Variants in RUBCN observed in about 807,000 individuals in gnomAD.
RUBCN encodes the protein rubicon autophagy regulator.
Under a neutral mutation model 113.2 loss-of-function variants are expected in RUBCN, and 74 were observed. That is an observed-to-expected ratio of 0.65 (90% CI 0.54 to 0.79). The LOEUF (loss-of-function observed/expected upper bound fraction) is 0.79, where lower values mean the gene tolerates loss of function less well. RUBCN is among the 30% of genes least tolerant of loss of function. RUBCN has a pLI of 0.00. For missense variants in RUBCN, 1,109 were observed against 1,251.7 expected (o/e 0.89, Z 1.72); for synonymous variants, 480 against 490.0 (o/e 0.98, Z 0.27).
intron 8 of RUBCN, 62 bp from the exon 9 acceptor site, chr3:197,696,043 C>A: frequency 6.7e-7 from 1 of 1,484,674 alleles, no homozygotes; most frequent in Non-Finnish European, 9.4e-7. Context: ...AAGCTTTTGT[C>A]ATTAAAGATG....
rs1719590124 is a variant in RUBCN, at chr3:197,669,426, A to G, written c.*5592T>C. 6.6e-6 allele frequency among the ~76,000 whole-genome samples: 1 copy of G among 152,158 alleles called. No individual in the cohort carries two copies. Among genetic ancestry groups the G allele is most frequent in the Admixed American group, 6.5e-5 (1 of 15,286 alleles). On this transcript the variant is annotated 3_prime_UTR_variant, in exon 20 of 20. Transcript: ENST00000296343. Reference sequence around the variant, plus strand: ...TTGAGTAGGGTCAAGTGTTTTGTAGAAAGTTCCTCGAATTTTGCTCCTGTG... The same window carrying G: ...TTGAGTAGGGTCAAGTGTTTTGTAGGAAGTTCCTCGAATTTTGCTCCTGTG...
At chr3:197,706,383 G>A (rs776274839) in intron 2 of RUBCN, among the ~76,000 whole-genome samples, 18 of 152,120 alleles carry the variant, frequency 1.2e-4, no homozygotes, top group African/African-American at 2.2e-4. Context: ...GCTAGCACAA[G>A]TATCAAGAGA....
chr3:197,676,076 G>T, intron 18 of RUBCN: 1 of 518,178 alleles, frequency 1.9e-6, no homozygotes, highest in Non-Finnish European at 2.5e-6. Context: ...TTGAGTAGAT[G>T]ACGACAATAA....
At position 197,694,617 on chromosome 3, in the gene RUBCN, G is replaced by T. The variant is rs1415047736; in HGVS notation, c.1474-32C>A. 5 of 1,569,784 alleles carry T rather than the reference G, an allele frequency of 3.2e-6. No homozygotes were observed. In the South Asian group the frequency reaches 4.4e-5, roughly 14 times the overall value. ...GAAGGAGAGCACCAAACAGGCAAAG[G>T]GTTAGAAGTATTGAATGACATACTC... On this transcript the variant is annotated intron_variant, in intron 9 of 19. Transcript: ENST00000296343.
At chr3:197,688,510 A>T (rs1241447429) in intron 11 of RUBCN, among the ~76,000 whole-genome samples, 1 of 152,218 alleles carries the variant, frequency 6.6e-6, no homozygotes, top group East Asian at 1.9e-4. Context: ...AACTTTCCCT[A>T]TTCAAATTAC....
chr3:197,691,344 A>G (rs907349570), intron 11 of RUBCN, among the ~76,000 whole-genome samples: 1 of 152,100 alleles, frequency 6.6e-6, no homozygotes, highest in Non-Finnish European at 1.5e-5. Flanking sequence ...CGCCAAGCCC[A>G]GCCTCAAGGA....
chr3:197,709,682 A>G (rs1006971478), intron 2 of RUBCN, among the ~76,000 whole-genome samples: 1 of 152,128 alleles, frequency 6.6e-6, no homozygotes, highest in African/African-American at 2.4e-5. Context: ...GCCCGGCCTG[A>G]AAAGCTACTA....
chr3:197,688,821 G>C (rs932640609), intron 11 of RUBCN, among the ~76,000 whole-genome samples: 1 of 152,150 alleles, frequency 6.6e-6, no homozygotes, highest in Non-Finnish European at 1.5e-5. Flanking sequence ...CCATTTATAC[G>C]AAGTGTCCAG....
intron 1 of RUBCN, among the ~76,000 whole-genome samples, chr3:197,728,595 C>T (rs1179948359): frequency 6.6e-6 from 1 of 152,232 alleles, no homozygotes; most frequent in African/African-American, 2.4e-5. Flanking sequence ...GGGATGACCA[C>T]AACGTTAATG....
At position 197,675,140 on chromosome 3, in the gene RUBCN, C is replaced by T. The variant is rs757331812; in HGVS notation, c.2797G>A (p.Glu933Lys). The T allele has an allele frequency of 4.6e-5, 74 of 1,614,024 alleles. No individual in the cohort carries two copies. The highest frequency in any genetic ancestry group is 1.6e-4 in the Middle Eastern group (1 of 6,062). Reference sequence around the variant, plus strand: ...GCCTCCCGCCGGGCCTGCAGCCGCTCGCAGCGCGGACAGCTTCCAGACTTG... The same window carrying T: ...GCCTCCCGCCGGGCCTGCAGCCGCTTGCAGCGCGGACAGCTTCCAGACTTG... Reference protein sequence around the residue: ...CFKSGSCPRCERLQARREALA... With the variant: ...CFKSGSCPRCKRLQARREALA... Residue 933 changes from glutamate (E) to lysine (K), a missense_variant, in exon 20 of 20, where the codon GAG (glutamate) becomes AAG (lysine). By Grantham distance (56) the Glu-to-Lys change is moderately conservative. Coordinates refer to ENST00000296343, the MANE Select transcript of RUBCN (RefSeq NM_014687.4). The surrounding 1 kb of genome is among the most constrained non-coding windows in gnomAD (Gnocchi z 4.4).
intron 1 of RUBCN, among the ~76,000 whole-genome samples, chr3:197,747,087 T>A (rs1261276847): frequency 4.6e-5 from 7 of 152,312 alleles, no homozygotes; most frequent in Non-Finnish European, 1.5e-5. Context: ...CAGGACCCAG[T>A]TCCGATTTCT....
chr3:197,717,685 T>C (rs929632947), intron 2 of RUBCN, among the ~76,000 whole-genome samples: 8 of 152,188 alleles, frequency 5.3e-5, no homozygotes, highest in African/African-American at 1.9e-4. Flanking sequence ...ATCTGTGTTG[T>C]TTTAAGCCAT....
chr3:197,729,016 C>A lies in RUBCN; in HGVS notation c.65+7639G>T, dbSNP rs774414438. Among the ~76,000 whole-genome samples, 392 of 151,974 alleles carry A rather than the reference C, an allele frequency of 2.6e-3. 9 individuals are homozygous for A. The highest frequency in any genetic ancestry group is 1.1e-3 in the Non-Finnish European group (73 of 67,974). On this transcript the variant is annotated intron_variant, in intron 1 of 19. Transcript: ENST00000296343. Reference sequence around the variant, plus strand: ...CGGTGGCTCACGCCTGTAATCCCAGCACTTTGGGAGGCCGAGGCGGGCGGA... The same window carrying A: ...CGGTGGCTCACGCCTGTAATCCCAGAACTTTGGGAGGCCGAGGCGGGCGGA...
intron 3 of RUBCN, among the ~76,000 whole-genome samples, 177 bp downstream of exon 3, chr3:197,704,915 G>GT (rs1017421205): frequency 0.013 from 1,933 of 146,066 alleles, 18 homozygotes; most frequent in South Asian, 0.053. Context: ...GGGTTTGCAT[G>GT]TTTTTTTTTT....
Position 197,736,727 on chromosome 3 carries a change from G to A in RUBCN, c.-8C>T, listed in dbSNP as rs774427021. The A allele has an allele frequency of 2.0e-6, 3 of 1,528,604 alleles. No homozygotes were observed. The highest frequency in any genetic ancestry group is 2.8e-5 in the African/African-American group (2 of 71,904). The allele number at this position is 1,528,604 out of a possible 1,614,324, so 94.7% of individuals were successfully genotyped here. ...CGCGCCCTCCGGCCGCATCCGGGGC[G>A]GTGAGGCCGCCTCTTCGCCCAAGAG... On this transcript the variant is annotated 5_prime_UTR_variant, in exon 1 of 20. Transcript: ENST00000296343.
rs769704694 is a variant in RUBCN at position 197,713,529 on chromosome 3, G to A, written c.219+4448C>T. On this transcript the variant is annotated intron_variant, in intron 2 of 19. Coordinates refer to ENST00000296343, the MANE Select transcript of RUBCN (RefSeq NM_014687.4). The stretch of plus-strand genomic sequence containing the variant: ...AGCAGGTCAATGCCACAAATAGGAA[G>A]AAGGGCAATCTCATGAGAGAACATA... 1.4e-4 allele frequency among the ~76,000 whole-genome samples: 22 copies of A among 152,270 alleles called. 1 individual carries two copies. Among genetic ancestry groups the A allele is most frequent in the Admixed American group, 1.0e-3 (16 of 15,284 alleles).
intron 11 of RUBCN, among the ~76,000 whole-genome samples, chr3:197,687,786 C>T (rs1722013078): frequency 2.0e-5 from 3 of 152,330 alleles, no homozygotes; most frequent in South Asian, 2.1e-4. Context: ...GGACACCCTC[C>T]CTCAGCACCC....
chr3:197,731,809 C>G (rs1040725164), intron 1 of RUBCN, among the ~76,000 whole-genome samples: 1 of 151,608 alleles, frequency 6.6e-6, no homozygotes, highest in Non-Finnish European at 1.5e-5. Flanking sequence ...CTGACCCCCC[C>G]ACCTCCCTCC....
rs776041781 is a variant in RUBCN at position 197,673,566 on chromosome 3, G to A, written c.*1452C>T. On this transcript the variant is annotated 3_prime_UTR_variant, in exon 20 of 20. Coordinates refer to ENST00000296343, the MANE Select transcript of RUBCN (RefSeq NM_014687.4). ...TCTTGGAGAAGCCACTCTGACCAGT[G>A]TTTTCACAGAGGTTAGAAGCTGCAT... 1.3e-5 allele frequency: 2 copies of A among 152,274 alleles called. No individual in the cohort carries two copies. Among genetic ancestry groups the A allele is most frequent in the Non-Finnish European group, 2.9e-5 (2 of 68,102 alleles). The allele number at this position is 152,274 out of a possible 1,614,324, so 9.4% of individuals were successfully genotyped here. A position where few individuals can be genotyped will look rare whatever the true frequency, so the allele number is the denominator to read the frequency against.
Sources: gnomAD v4.1 joint callset for allele counts (sites outside exome capture counted in the v4.1 genomes callset) on GRCh38, gnomAD v4.1.1 for gene constraint, Gnocchi (gnomAD v3.1) non-coding constraint, MANE v1.5 for transcripts, NCBI Gene and HGNC (gene_info 2026-07-23, HGNC 2026-07-21) for gene names.